Variants in ZNF385D observed in about 807,000 individuals in gnomAD.
ZNF385D encodes the protein zinc finger protein 385D.
Under a neutral mutation model 35.8 loss-of-function variants are expected in ZNF385D, and 15 were observed. The ratio of observed to expected loss-of-function variants is 0.42; its 90% CI spans 0.28 to 0.64. ZNF385D has a LOEUF of 0.64. Ranked by LOEUF, ZNF385D falls within the 30% of genes least tolerant of loss-of-function variation. The pLI is 0.23. For synonymous variants in ZNF385D, 212 were observed against 186.8 expected (o/e 1.13, Z -1.10); for missense variants, 474 against 494.6 (o/e 0.96, Z 0.39).
At chr3:22,180,419 T>G (rs1378006678) in intron 2 of ZNF385D, among the ~76,000 whole-genome samples, 1 of 152,166 alleles carries the variant, frequency 6.6e-6, no homozygotes, top group Non-Finnish European at 1.5e-5. Context: ...GAGGGAATCC[T>G]CCCTAACTCA....
At chr3:21,455,253 A>G (rs1055659443) in intron 4 of ZNF385D, among the ~76,000 whole-genome samples, 1 of 152,180 alleles carries the variant, frequency 6.6e-6, no homozygotes, top group Non-Finnish European at 1.5e-5. Context: ...TTCATATGGA[A>G]CCAAAAAAGA....
intron 2 of ZNF385D, among the ~76,000 whole-genome samples, chr3:22,178,231 T>A (rs1694968837): frequency 1.3e-5 from 2 of 152,160 alleles, no homozygotes; most frequent in South Asian, 4.1e-4. Context: ...TTTCTCCACA[T>A]CCTCTCCAGT....
chr3:21,475,585 C>G (rs1419794225), intron 4 of ZNF385D, among the ~76,000 whole-genome samples: 1 of 152,062 alleles, frequency 6.6e-6, no homozygotes, highest in Admixed American at 6.6e-5. Flanking sequence ...GAAAGATCCT[C>G]CGGATTCCAA....
At chr3:22,140,108 A>G (rs1019443688) in intron 3 of ZNF385D, among the ~76,000 whole-genome samples, 2 of 152,230 alleles carry the variant, frequency 1.3e-5, no homozygotes, top group Non-Finnish European at 2.9e-5. Flanking sequence ...AATATCCTAG[A>G]GAAACGAAAA....
chr3:22,129,670 C>G (rs1251527028), intron 3 of ZNF385D, among the ~76,000 whole-genome samples: 1 of 151,986 alleles, frequency 6.6e-6, no homozygotes, highest in African/African-American at 2.4e-5. Flanking sequence ...CCCAAGGGCT[C>G]TTTAGTCATA....
At chr3:21,684,581 A>T (rs1395182589) in intron 1 of ZNF385D, among the ~76,000 whole-genome samples, 1 of 152,138 alleles carries the variant, frequency 6.6e-6, no homozygotes, top group Non-Finnish European at 1.5e-5. Flanking sequence ...GTTAAGTATT[A>T]TAAAGTCACA....
rs537053943 is a variant in ZNF385D, at chr3:22,100,755, G to A, written c.325+68062C>T. ...GCTAGATGACGAGTTAGTGGGTGTA[G>A]CGCACCAGCATGGCACATGTATACA... On this transcript the variant is annotated intron_variant, in intron 3 of 5. Coordinates refer to the ZNF385D transcript ENST00000494108. 1.6e-4 allele frequency among the ~76,000 whole-genome samples: 24 copies of A among 151,808 alleles called. No individual in the cohort carries two copies. In the East Asian group the frequency reaches 3.1e-3, roughly 20 times the overall value.
chr3:21,951,221 T>C (rs1052270490), intron 3 of ZNF385D, among the ~76,000 whole-genome samples: 2 of 151,760 alleles, frequency 1.3e-5, no homozygotes, highest in African/African-American at 4.9e-5. Context: ...TCTTACTTCC[T>C]TGAGCAGTGG....
chr3:22,050,011 T>A (rs994628961), intron 3 of ZNF385D, among the ~76,000 whole-genome samples: 8 of 152,144 alleles, frequency 5.3e-5, no homozygotes, highest in Non-Finnish European at 1.0e-4. Context: ...GCTAGTATCA[T>A]CGTAATGTTT....
intron 3 of ZNF385D, among the ~76,000 whole-genome samples, chr3:21,969,154 G>T (rs1406563200): frequency 6.6e-6 from 1 of 152,164 alleles, no homozygotes; most frequent in Non-Finnish European, 1.5e-5. Context: ...GGAAAGAATG[G>T]TAAGAACTTT....
chr3:22,032,246 G>A lies in ZNF385D; in HGVS notation c.325+136571C>T, dbSNP rs563142364. ...TCTGCCAGTTACCCAGATCCAAAGT[G>A]GCTCCCACATTTTCACATTATCTTT... On this transcript the variant is annotated intron_variant, in intron 3 of 5. Coordinates refer to the ZNF385D transcript ENST00000494108. 7.9e-5 allele frequency among the ~76,000 whole-genome samples: 12 copies of A among 152,284 alleles called. No homozygotes were observed. In the East Asian group the frequency reaches 2.3e-3, roughly 29 times the overall value.
At chr3:21,744,445 G>A (rs1449420716) in intron 1 of ZNF385D, among the ~76,000 whole-genome samples, 2 of 152,168 alleles carry the variant, frequency 1.3e-5, no homozygotes, top group Non-Finnish European at 2.9e-5. Context: ...AGGCAAAATT[G>A]TATTCATTTT....
intron 3 of ZNF385D, among the ~76,000 whole-genome samples, chr3:21,864,592 A>G (rs796619496): frequency 1.3e-5 from 2 of 152,096 alleles, no homozygotes; most frequent in South Asian, 4.1e-4. Flanking sequence ...TGACTAAATG[A>G]CAGTGTTTTA....
intron 2 of ZNF385D, among the ~76,000 whole-genome samples, chr3:22,356,532 G>A (rs891680870): frequency 1.3e-5 from 2 of 151,854 alleles, no homozygotes; most frequent in Admixed American, 1.3e-4. Context: ...GATTCCAGCA[G>A]GTCTTCTGTG....
At chr3:21,484,742 C>T (rs192711793) in intron 4 of ZNF385D, among the ~76,000 whole-genome samples, 138 of 152,154 alleles carry the variant, frequency 9.1e-4, no homozygotes, top group Middle Eastern at 3.4e-3. Flanking sequence ...GTTTGAGATG[C>T]TCTCCTGGAA....
intron 2 of ZNF385D, among the ~76,000 whole-genome samples, chr3:22,263,342 T>C (rs538941561): frequency 8.5e-5 from 13 of 152,132 alleles, no homozygotes; most frequent in African/African-American, 3.1e-4. Flanking sequence ...TGCTTCCTTC[T>C]TTCTGCAATG....
chr3:22,195,113 C>T (rs1248059481), intron 2 of ZNF385D, among the ~76,000 whole-genome samples: 1 of 151,686 alleles, frequency 6.6e-6, no homozygotes, highest in East Asian at 1.9e-4. Context: ...CAATTGCTCC[C>T]CATTGTCATT....
chr3:21,773,905 A>G (rs1272513294), intron 3 of ZNF385D, among the ~76,000 whole-genome samples: 1 of 152,014 alleles, frequency 6.6e-6, no homozygotes, highest in Non-Finnish European at 1.5e-5. Flanking sequence ...TTGACCCAGC[A>G]ATCACATTAC....
intron 3 of ZNF385D, among the ~76,000 whole-genome samples, chr3:22,108,660 G>A (rs576060577): frequency 8.5e-5 from 13 of 152,274 alleles, no homozygotes; most frequent in East Asian, 3.9e-4. Flanking sequence ...CATCTGTGAA[G>A]TGAACGTAGT....
Sources: gnomAD v4.1 joint callset for allele counts (sites outside exome capture counted in the v4.1 genomes callset) on GRCh38, gnomAD v4.1.1 for gene constraint, MANE v1.5 for transcripts, NCBI Gene and HGNC (gene_info 2026-07-23, HGNC 2026-07-21) for gene names.